ANK2: variants seen among roughly 807,000 people sequenced by gnomAD.
ANK2 encodes the protein ankyrin-2.
In ANK2, 83 loss-of-function variants were observed where a neutral mutation model predicts 360.5. The observed-to-expected ratio is 0.23, with a 90% confidence interval of 0.19 to 0.28. ANK2 has a LOEUF of 0.28. Ranked by LOEUF, ANK2 falls within the 10% of genes least tolerant of loss-of-function variation. The pLI is 1.00. For synonymous variants in ANK2, 1,740 were observed against 1,759.5 expected (o/e 0.99, Z 0.28); for missense variants, 4,201 against 4,795.7 (o/e 0.88, Z 3.66).
chr4:113,270,820 A>C (rs1441729496), intron 14 of ANK2, among the ~76,000 whole-genome samples: 1 of 152,218 alleles, frequency 6.6e-6, no homozygotes. Context: ...TGTTTCAAGC[A>C]GCAAGAAGTT....
At chr4:113,336,111 A>C in intron 30 of ANK2, 54 bp downstream of exon 30, 1 of 1,580,448 alleles carries the variant, frequency 6.3e-7, no homozygotes, top group Admixed American at 1.7e-5. Context: ...CTAATGATTA[A>C]AAATTAGCTT....
chr4:112,810,159 A>ATTT, the ANK2 span, among the ~76,000 whole-genome samples: 4 of 35,786 alleles, frequency 1.1e-4, no homozygotes, highest in Non-Finnish European at 1.9e-4. Context: ...ATATATATAT[A>ATTT]TTTTTTTTTT....
intron 1 of ANK2, among the ~76,000 whole-genome samples, chr4:112,871,611 C>A (rs1047817585): frequency 6.6e-6 from 1 of 152,164 alleles, no homozygotes; most frequent in African/African-American, 2.4e-5. Context: ...CTTTCTCTTG[C>A]CAAATTGCCA....
At chr4:113,335,211 T>C (rs2093343612) in intron 29 of ANK2, among the ~76,000 whole-genome samples, 1 of 152,212 alleles carries the variant, frequency 6.6e-6, no homozygotes. Flanking sequence ...TTAAATGTTA[T>C]TTTTGGAAAT....
intron 2 of ANK2, 114 bp downstream of exon 2, chr4:113,174,631 A>G (rs2098123426): frequency 2.3e-6 from 2 of 873,470 alleles, no homozygotes; most frequent in East Asian, 3.0e-5. Context: ...AGTGACTCAG[A>G]CTTCTGAAAT....
At chr4:113,033,367 T>C (rs1391675428) in intron 2 of ANK2, among the ~76,000 whole-genome samples, 2 of 152,034 alleles carry the variant, frequency 1.3e-5, no homozygotes, top group African/African-American at 2.4e-5. Context: ...GGGATTCTTA[T>C]GTTCTGCCTC....
At chr4:112,936,959 T>G (rs2093787744) in intron 2 of ANK2, among the ~76,000 whole-genome samples, 1 of 151,982 alleles carries the variant, frequency 6.6e-6, no homozygotes, top group Admixed American at 6.6e-5. Flanking sequence ...GGCTAATTTT[T>G]TTAGTTTTTA....
chr4:112,874,642 CAAAAAAAAAA>C (rs1160396405), intron 1 of ANK2, among the ~76,000 whole-genome samples: 5 of 79,608 alleles, frequency 6.3e-5, no homozygotes, highest in Non-Finnish European at 1.2e-4. Context: ...GACGCCATCT[CAAAAAAAAAA>C]AAAAAAAAAA....
At chr4:112,961,030 C>A (rs1300034173) in intron 2 of ANK2, among the ~76,000 whole-genome samples, 2 of 148,188 alleles carry the variant, frequency 1.3e-5, no homozygotes, top group African/African-American at 2.5e-5. Flanking sequence ...ATTAAAAATT[C>A]TTTAGTTTTT....
At chr4:112,924,300 G>A (rs1204811254) in intron 2 of ANK2, among the ~76,000 whole-genome samples, 7 of 151,348 alleles carry the variant, frequency 4.6e-5, no homozygotes, top group African/African-American at 7.3e-5. Context: ...CCCGGGAGAC[G>A]GAAGCTGCAG....
At chr4:113,005,008 A>G (rs2052289346) in intron 2 of ANK2, among the ~76,000 whole-genome samples, 1 of 152,238 alleles carries the variant, frequency 6.6e-6, no homozygotes, top group East Asian at 1.9e-4. Context: ...CTAAGACATG[A>G]AAACAATAAG....
intron 45 of ANK2, among the ~76,000 whole-genome samples, chr4:113,380,389 G>T (rs1375463010): frequency 1.3e-5 from 2 of 152,182 alleles, no homozygotes; most frequent in Non-Finnish European, 2.9e-5. Flanking sequence ...GGCCCAATGT[G>T]GTGGCTCACA....
At chr4:112,772,674 G>A in the ANK2 span, among the ~76,000 whole-genome samples, 3 of 152,184 alleles carry the variant, frequency 2.0e-5, no homozygotes, top group Non-Finnish European at 2.9e-5. Context: ...GCATTACCTA[G>A]GAGAAGAAGT....
chr4:113,158,390 A>G (rs1001602092), intron 1 of ANK2, among the ~76,000 whole-genome samples: 2 of 152,204 alleles, frequency 1.3e-5, no homozygotes, highest in Non-Finnish European at 2.9e-5. Flanking sequence ...GGTCAGACCA[A>G]ATCTTTGTCA....
chr4:112,743,327 G>T, the ANK2 span, among the ~76,000 whole-genome samples: 21,137 of 151,764 alleles, frequency 0.14, 2,239 homozygotes, highest in East Asian at 0.49. Flanking sequence ...TACAATATTG[G>T]TTTTTCACAT....
At chr4:112,930,314 C>G (rs2093053783) in intron 2 of ANK2, among the ~76,000 whole-genome samples, 1 of 151,600 alleles carries the variant, frequency 6.6e-6, no homozygotes, top group Non-Finnish European at 1.5e-5. Context: ...GTTTGGTGTG[C>G]ACACACACCT....
chr4:112,725,606 C>G, the ANK2 span, among the ~76,000 whole-genome samples: 2 of 151,876 alleles, frequency 1.3e-5, no homozygotes, highest in African/African-American at 4.8e-5. Context: ...GTGATCCTCC[C>G]GCCTCAGCCT....
chr4:112,957,665 C>T (rs1334654745), intron 2 of ANK2, among the ~76,000 whole-genome samples: 5 of 150,700 alleles, frequency 3.3e-5, no homozygotes, highest in African/African-American at 7.3e-5. Flanking sequence ...ACCTCCCTCC[C>T]GGACGGGGCG....
chr4:112,761,353 G>A, the ANK2 span, among the ~76,000 whole-genome samples: 1 of 152,102 alleles, frequency 6.6e-6, no homozygotes, highest in Non-Finnish European at 1.5e-5. Context: ...TGGCACCGTG[G>A]CTCATGCCTG....
Sources: allele counts gnomAD v4.1 joint callset (sites outside exome capture counted in the v4.1 genomes callset), GRCh38; gene constraint gnomAD v4.1.1; transcripts MANE v1.5; gene names NCBI Gene and HGNC (gene_info 2026-07-23, HGNC 2026-07-21).